Variants in SENP7 observed in about 807,000 individuals in gnomAD.
SENP7 encodes sentrin-specific protease 7.
In SENP7, 64 loss-of-function variants were observed where a neutral mutation model predicts 141.2. The ratio of observed to expected loss-of-function variants is 0.45; its 90% CI spans 0.37 to 0.56. SENP7 has a LOEUF of 0.56. SENP7 is among the 20% of genes least tolerant of loss of function. The pLI is 0.00. For synonymous variants in SENP7, 382 were observed against 426.4 expected (o/e 0.90, Z 1.28); for missense variants, 1,025 against 1,212.2 (o/e 0.85, Z 2.29).
intron 4 of SENP7, among the ~76,000 whole-genome samples, chr3:101,426,503 A>G (rs2061963846): frequency 6.7e-6 from 1 of 149,274 alleles, no homozygotes; most frequent in Non-Finnish European, 1.5e-5. Context: ...TTTTTTAGAT[A>G]GAGTCTCGCT....
intron 6 of SENP7, among the ~76,000 whole-genome samples, 154 bp downstream of exon 6, chr3:101,398,707 C>T (rs1199675444): frequency 6.6e-6 from 1 of 152,112 alleles, no homozygotes; most frequent in African/African-American, 2.4e-5. Flanking sequence ...CTGTTGGTTC[C>T]AATAGCCATT....
intron 4 of SENP7, among the ~76,000 whole-genome samples, chr3:101,442,949 G>A (rs752382515): frequency 1.4e-4 from 21 of 152,150 alleles, no homozygotes; most frequent in East Asian, 3.8e-4. Flanking sequence ...TGGGCAAAGC[G>A]AAAGAAAACC....
chr3:101,450,071 G>A (rs2063066699), intron 4 of SENP7, among the ~76,000 whole-genome samples: 1 of 152,160 alleles, frequency 6.6e-6, no homozygotes, highest in African/African-American at 2.4e-5. Flanking sequence ...CCTAGTCTCG[G>A]ATAAAACAGA....
At chr3:101,335,770 A>G (rs937346285) in intron 17 of SENP7, among the ~76,000 whole-genome samples, 1 of 152,192 alleles carries the variant, frequency 6.6e-6, no homozygotes, top group African/African-American at 2.4e-5. Context: ...CTGTATACAT[A>G]AAACAGAACA....
chr3:101,416,981 C>G (rs1324096701), intron 5 of SENP7, among the ~76,000 whole-genome samples: 1 of 152,078 alleles, frequency 6.6e-6, no homozygotes, highest in African/African-American at 2.4e-5. Context: ...ATTCCTAGAG[C>G]TAATTCCTAG....
chr3:101,384,098 C>T (rs2060585103), intron 6 of SENP7, among the ~76,000 whole-genome samples: 1 of 152,260 alleles, frequency 6.6e-6, no homozygotes, highest in Admixed American at 6.5e-5. Context: ...TGGGTCCCCT[C>T]TCAGCTGAGA....
At chr3:101,500,039 C>T (rs1269632339) in intron 2 of SENP7, among the ~76,000 whole-genome samples, 3 of 152,110 alleles carry the variant, frequency 2.0e-5, no homozygotes, top group African/African-American at 4.8e-5. Flanking sequence ...TAAAGCCATA[C>T]TTTCTATATG....
intron 21 of SENP7, 30 bp downstream of exon 21, chr3:101,328,616 A>C (rs765428769): frequency 6.2e-7 from 1 of 1,604,260 alleles, no homozygotes; most frequent in Non-Finnish European, 8.5e-7. Context: ...TACCTCAAAA[A>C]ACTGTATTAT....
chr3:101,471,944 A>G (rs1366899463), intron 3 of SENP7, among the ~76,000 whole-genome samples: 1 of 152,254 alleles, frequency 6.6e-6, no homozygotes, highest in Non-Finnish European at 1.5e-5. Context: ...AATCAAAACC[A>G]CAATGAGATA....
chr3:101,470,626 A>G (rs1393565312), intron 3 of SENP7, among the ~76,000 whole-genome samples: 1 of 152,220 alleles, frequency 6.6e-6, no homozygotes, highest in Non-Finnish European at 1.5e-5. Flanking sequence ...CTCCTATTCA[A>G]CATAGTATTG....
Position 101,496,609 on chromosome 3 carries a change from G to A in SENP7, c.91-2641C>T, listed in dbSNP as rs935714894. ...TTTTTTTTTTTTGAGACAGAGTCTC[G>A]TTCTGTTTCCCAGGCTGAAAGTGCA... On this transcript the variant is annotated intron_variant, in intron 2 of 23. Transcript: ENST00000394095. Among the ~76,000 whole-genome samples the A allele has an allele frequency of 1.0e-4, 14 of 139,244 alleles. No individual in the cohort carries two copies. The South Asian group carries it at 1.3e-3, about 13-fold the overall frequency. The allele number at this position is 139,244 out of a possible 152,430, so 91.3% of individuals were successfully genotyped here. A position where few individuals can be genotyped will look rare whatever the true frequency, so the allele number is the denominator to read the frequency against.
At chr3:101,398,825 T>C in intron 6 of SENP7, 36 bp downstream of exon 6, 2 of 1,375,790 alleles carry the variant, frequency 1.5e-6, no homozygotes, top group Non-Finnish European at 2.0e-6. Context: ...TAAAAATAAA[T>C]ATAATTATTT....
chr3:101,335,118 A>C (rs1559682080), intron 17 of SENP7, among the ~76,000 whole-genome samples: 1 of 152,232 alleles, frequency 6.6e-6, no homozygotes, highest in Non-Finnish European at 1.5e-5. Flanking sequence ...GCTGTGAAAC[A>C]AATTTTTTAA....
intron 6 of SENP7, among the ~76,000 whole-genome samples, chr3:101,380,448 C>A (rs1352605072): frequency 1.6e-5 from 2 of 126,220 alleles, no homozygotes; most frequent in East Asian, 4.8e-4. Flanking sequence ...CCCCCCCCCA[C>A]ACACACACAC....
In SENP7 at chr3:101,463,388, T is replaced by TACAC; in HGVS notation, c.187-4337_187-4336insGTGT. Among the ~76,000 whole-genome samples the TACAC allele has an allele frequency of 2.2e-5, 2 of 93,004 alleles. 1 individual carries two copies. Among genetic ancestry groups the TACAC allele is most frequent in the African/African-American group, 9.4e-5 (2 of 21,218 alleles). The allele number at this position is 93,004 out of a possible 152,430, so 61.0% of individuals were successfully genotyped here. ...AAATATATATATATATATATATATATATATATATACATATATATATATATA... is the reference window on the plus strand; with the variant it reads ...AAATATATATATATATATATATATATACACATATATATACATATATATATATATA... On this transcript the variant is annotated intron_variant, in intron 3 of 23. Coordinates refer to ENST00000394095, the MANE Select transcript of SENP7 (RefSeq NM_020654.5).
At chr3:101,424,213 G>T (rs2061879244) in intron 4 of SENP7, among the ~76,000 whole-genome samples, 1 of 152,102 alleles carries the variant, frequency 6.6e-6, no homozygotes, top group African/African-American at 2.4e-5. Flanking sequence ...TGGGGGACCT[G>T]CCTAACAGGC....
chr3:101,442,232 A>G (rs2062703643), intron 4 of SENP7, among the ~76,000 whole-genome samples: 2 of 152,216 alleles, frequency 1.3e-5, no homozygotes, highest in South Asian at 4.1e-4. Flanking sequence ...CAAACTCAAA[A>G]TAATTATCTA....
intron 1 of SENP7, among the ~76,000 whole-genome samples, chr3:101,506,843 A>G (rs2065636447): frequency 6.6e-6 from 1 of 152,212 alleles, no homozygotes; most frequent in East Asian, 1.9e-4. Flanking sequence ...GCTTGAGGCG[A>G]AGAGTTCAAG....
intron 4 of SENP7, among the ~76,000 whole-genome samples, chr3:101,428,358 G>A (rs951056278): frequency 2.0e-5 from 3 of 152,172 alleles, no homozygotes; most frequent in African/African-American, 7.2e-5. Flanking sequence ...TCCAGCATCT[G>A]CTGTTTCCTG....
Sources: gnomAD v4.1 joint callset for allele counts (sites outside exome capture counted in the v4.1 genomes callset) on GRCh38, gnomAD v4.1.1 for gene constraint, MANE v1.5 for transcripts, NCBI Gene and HGNC (gene_info 2026-07-23, HGNC 2026-07-21) for gene names.